Variants in CEP192 observed in about 807,000 individuals in gnomAD.
The protein encoded by CEP192 is centrosomal protein of 192 kDa.
A neutral mutation model predicts 271.8 loss-of-function variants in CEP192; 151 were observed. The ratio of observed to expected loss-of-function variants is 0.56; its 90% CI spans 0.49 to 0.64. CEP192 has a LOEUF of 0.64. Ranked by LOEUF, CEP192 falls within the 30% of genes least tolerant of loss-of-function variation. The probability of loss-of-function intolerance (pLI) is 0.00; values close to 1 mark genes in which losing one functional copy is unlikely to be tolerated. For missense variants in CEP192, 2,910 were observed against 3,020.5 expected (o/e 0.96, Z 0.86); for synonymous variants, 995 against 1,076.5 (o/e 0.92, Z 1.48).
intron 9 of CEP192, among the ~76,000 whole-genome samples, chr18:13,022,861 C>T (rs2035072482): frequency 2.0e-5 from 3 of 152,110 alleles, no homozygotes. Flanking sequence ...TTATTTCTTT[C>T]TCAGAGTTTT....
chr18:13,068,061 CT>C, intron 22 of CEP192, 32 bp from the exon 23 acceptor site: 1 of 1,611,444 alleles, frequency 6.2e-7, no homozygotes, highest in Non-Finnish European at 8.5e-7. Context: ...ACACTGTTGG[CT>C]TTACTGAACT....
chr18:13,009,381 T>C (rs1252237133), intron 4 of CEP192, among the ~76,000 whole-genome samples: 1 of 152,218 alleles, frequency 6.6e-6, no homozygotes, highest in Non-Finnish European at 1.5e-5. Context: ...CTTCCACTTT[T>C]CTCCCACTAA....
chr18:13,122,740 G>A (rs956681254), intron 44 of CEP192, among the ~76,000 whole-genome samples: 20 of 152,172 alleles, frequency 1.3e-4, no homozygotes, highest in Admixed American at 5.9e-4. Flanking sequence ...TCTGCTCTGC[G>A]TGCCTTTGCA....
At chr18:13,098,722 C>G (rs1248929310) in intron 36 of CEP192, among the ~76,000 whole-genome samples, 2 of 151,766 alleles carry the variant, frequency 1.3e-5, no homozygotes, top group African/African-American at 4.8e-5. Flanking sequence ...AGGGGCCCCT[C>G]ACATCCCAGA....
At chr18:13,041,334 A>G (rs1422532894) in intron 14 of CEP192, among the ~76,000 whole-genome samples, 3 of 152,170 alleles carry the variant, frequency 2.0e-5, no homozygotes, top group Non-Finnish European at 4.4e-5. Context: ...TGATAAATAT[A>G]ATATTTTTAA....
chr18:13,048,793 G>A, intron 15 of CEP192, 66 bp from the exon 16 acceptor site: 2 of 1,063,270 alleles, frequency 1.9e-6, no homozygotes, highest in Non-Finnish European at 2.8e-6. Context: ...CAATGATAAT[G>A]GGGGACTAAT....
At position 13,071,043 on chromosome 18, in the gene CEP192, T is replaced by C; in HGVS notation, c.5179T>C (p.Leu1727=). The C allele has an allele frequency of 6.2e-7, 1 of 1,611,696 alleles. No individual in the cohort carries two copies. The highest frequency in any genetic ancestry group is 8.5e-7 in the Non-Finnish European group (1 of 1,178,786). Residue 1727 remains leucine (L), a synonymous_variant, in exon 28 of 45, where the codon TTG becomes CTG. Coordinates refer to ENST00000506447, the MANE Select transcript of CEP192 (RefSeq NM_032142.4). ...KDPEACEERI[L]KIFVQPFGPQ... is the part of the protein sequence containing the mutation. The stretch of plus-strand genomic sequence containing the variant: ...TTAGAATTCTTTCTTTCTTAGGATC[T>C]TGAAAATATTTGTGCAGCCATTTGG...
Position 13,095,534 on chromosome 18 carries a change from A to ATGTTTT in CEP192, c.6286_6287insTGTTTT (p.Asn2096delinsMetPheTyr). On this transcript the variant is annotated protein_altering_variant, in exon 35 of 45. Transcript: ENST00000506447. ...GGGAGCTTCTGGGAAACATGGTGGC[A>ATGTTTT]ACGTCTCTTTGGATGTTTTACCAGT... The ATGTTTT allele has an allele frequency of 6.2e-7, 1 of 1,612,762 alleles. No individual in the cohort carries two copies. Among genetic ancestry groups the ATGTTTT allele is most frequent in the Middle Eastern group, 1.7e-4 (1 of 6,058 alleles).
chr18:13,044,642 T>A (rs993593652), intron 15 of CEP192, among the ~76,000 whole-genome samples: 1 of 152,200 alleles, frequency 6.6e-6, no homozygotes, highest in Non-Finnish European at 1.5e-5. Flanking sequence ...CTTTTATACT[T>A]GAAATAAACC....
chr18:13,082,432 C>CTTT lies in CEP192; in HGVS notation c.5617-4562_5617-4560dup, dbSNP rs57663388. 2.6e-3 allele frequency among the ~76,000 whole-genome samples: 131 copies of CTTT among 49,936 alleles called. 1 individual carries two copies. Among genetic ancestry groups the CTTT allele is most frequent in the African/African-American group, 7.8e-3 (80 of 10,310 alleles). 32.8% of individuals were successfully genotyped at this position (49,936 alleles called of 152,430 possible). On this transcript the variant is annotated intron_variant, in intron 30 of 44. Coordinates refer to ENST00000506447, the MANE Select transcript of CEP192 (RefSeq NM_032142.4). ...TCAGAGACTAGGATTGCAACCCCTG[C>CTTT]TTTTTTTTTTTTTTTTTTTTTTTTT...
intron 40 of CEP192, among the ~76,000 whole-genome samples, chr18:13,112,124 A>T (rs2040236667): frequency 1.3e-5 from 2 of 152,232 alleles, no homozygotes; most frequent in South Asian, 2.1e-4. Flanking sequence ...CCACTTCTGG[A>T]TATACACTAG....
rs1447632168 is a variant in CEP192, at chr18:13,124,986, CTG to C, written c.*220_*221del. 7.5e-6 allele frequency: 3 copies of C among 399,576 alleles called. No individual in the cohort carries two copies. Among genetic ancestry groups the C allele is most frequent in the East Asian group, 7.7e-5 (2 of 26,078 alleles). 24.8% of individuals were successfully genotyped at this position (399,576 alleles called of 1,614,324 possible). Reference sequence around the variant, plus strand: ...AACTTTTACAGGTGAGAAGAGAGTTCTGTGTTTGCATTGATTATGATATTCTG... The same window carrying C: ...AACTTTTACAGGTGAGAAGAGAGTTCTGTTTGCATTGATTATGATATTCTG... On this transcript the variant is annotated 3_prime_UTR_variant, in exon 45 of 45. Transcript: ENST00000506447.
At chr18:13,115,456 G>A (rs2040386318) in intron 42 of CEP192, among the ~76,000 whole-genome samples, 1 of 152,174 alleles carries the variant, frequency 6.6e-6, no homozygotes, top group Non-Finnish European at 1.5e-5. Context: ...GCCAGAGCTG[G>A]GCCTAGGAGG....
chr18:13,081,464 G>T (rs987576219), intron 30 of CEP192, among the ~76,000 whole-genome samples: 17 of 152,168 alleles, frequency 1.1e-4, no homozygotes, highest in African/African-American at 4.1e-4. Context: ...TTGTATTTCT[G>T]TGGGATCGGT....
chr18:13,071,267 C>G (rs1568372666), intron 28 of CEP192, 55 bp downstream of exon 28: 1 of 1,461,122 alleles, frequency 6.8e-7, no homozygotes, highest in Non-Finnish European at 9.4e-7. Flanking sequence ...TTGGAGCAGA[C>G]TACAAATTAA....
At chr18:13,019,872 G>C (rs1308921270) in intron 9 of CEP192, among the ~76,000 whole-genome samples, 1 of 151,122 alleles carries the variant, frequency 6.6e-6, no homozygotes, top group South Asian at 2.1e-4. Flanking sequence ...CAGTGCAGTG[G>C]CGTGATCTCA....
intron 31 of CEP192, 37 bp downstream of exon 31, chr18:13,087,314 C>G (rs758923103): frequency 2.6e-6 from 4 of 1,516,166 alleles, no homozygotes; most frequent in Admixed American, 4.1e-5. Flanking sequence ...AACATCAACT[C>G]ATTTTAAAAT....
chr18:13,023,015 A>T (rs996522064), intron 9 of CEP192, among the ~76,000 whole-genome samples: 1 of 152,172 alleles, frequency 6.6e-6, no homozygotes, highest in African/African-American at 2.4e-5. Context: ...AAAGCAGTTA[A>T]CTTTTATATA....
At chr18:13,120,223 G>A (rs1465055233) in intron 44 of CEP192, among the ~76,000 whole-genome samples, 1 of 151,794 alleles carries the variant, frequency 6.6e-6, no homozygotes, top group Non-Finnish European at 1.5e-5. Context: ...AAGACCAACT[G>A]AGTGGAAATC....
Sources: gnomAD v4.1 joint callset for allele counts (sites outside exome capture counted in the v4.1 genomes callset) on GRCh38, gnomAD v4.1.1 for gene constraint, MANE v1.5 for transcripts, NCBI Gene and HGNC (gene_info 2026-07-23, HGNC 2026-07-21) for gene names.